Variants in ETFBKMT observed in about 807,000 individuals in gnomAD.
The protein encoded by ETFBKMT is electron transfer flavoprotein beta subunit lysine methyltransferase.
Under a neutral mutation model 18.3 loss-of-function variants are expected in ETFBKMT, and 13 were observed. That is an observed-to-expected ratio of 0.71 (90% CI 0.46 to 1.13). ETFBKMT has a LOEUF of 1.13. Ranked by LOEUF, ETFBKMT falls within the 50% of genes most tolerant of loss-of-function variation. The pLI is 0.00. For synonymous variants in ETFBKMT, 84 were observed against 107.9 expected (o/e 0.78, Z 1.37); for missense variants, 293 against 306.2 (o/e 0.96, Z 0.32).
chr12:31,654,378 G>A (rs116907954), upstream of ETFBKMT, among the ~76,000 whole-genome samples: 24 of 152,308 alleles, frequency 1.6e-4, no homozygotes, highest in East Asian at 4.2e-3. Flanking sequence ...AAAGTTTGCA[G>A]TTAATCATAC....
upstream of ETFBKMT, among the ~76,000 whole-genome samples, chr12:31,656,392 G>A (rs1488104586): frequency 6.6e-6 from 1 of 152,138 alleles, no homozygotes; most frequent in Non-Finnish European, 1.5e-5. Context: ...GCAGAGAGGG[G>A]AGAAGAGGAG....
At position 31,667,957 on chromosome 12, in the gene ETFBKMT, G is replaced by C. The variant is rs759116519; in HGVS notation, c.756G>C (p.Leu252=). The C allele has an allele frequency of 1.2e-6, 2 of 1,614,050 alleles. No homozygotes were observed. The highest frequency in any genetic ancestry group is 4.5e-5 in the East Asian group (2 of 44,888). Residue 252 remains leucine, a synonymous_variant, in exon 4 of 4, where the codon CTG becomes CTC. Transcript: ENST00000357721. The stretch of plus-strand genomic sequence containing the variant: ...CTACTAGGCAGGAAAACAGTGGACT[G>C]ACAACAAGCACAGTGTGGGGTTTTC... ...LESTRQENSG[L]TTSTVWGFQP
At chr12:31,664,922 ATTTCT>A (rs1951174401) in intron 2 of ETFBKMT, among the ~76,000 whole-genome samples, 1 of 122,648 alleles carries the variant, frequency 8.2e-6, no homozygotes. Context: ...CCATTTATAC[ATTTCT>A]TTTCTTTCTT....
Position 31,672,583 on chromosome 12 carries a change from G to T in ETFBKMT, c.*4593G>T, listed in dbSNP as rs780187697. ...TATTAGGTGTAGTGCACCTATCATG[G>T]TATTACTTGTTTAAAAAAAAAAAAC... On this transcript the variant is annotated 3_prime_UTR_variant, in exon 4 of 4. Coordinates refer to ENST00000357721, the MANE Select transcript of ETFBKMT (RefSeq NM_001135863.2). The T allele has an allele frequency of 4.8e-6, 2 of 412,510 alleles. No individual in the cohort carries two copies. The highest frequency in any genetic ancestry group is 4.4e-5 in the South Asian group (1 of 22,920). 25.6% of individuals were successfully genotyped at this position (412,510 alleles called of 1,614,324 possible). A position where few individuals can be genotyped will look rare whatever the true frequency, so the allele number is the denominator to read the frequency against.
intron 1 of ETFBKMT, among the ~76,000 whole-genome samples, chr12:31,651,192 A>T (rs913771569): frequency 2.0e-5 from 3 of 152,182 alleles, no homozygotes; most frequent in African/African-American, 7.2e-5. Context: ...AACTGGCGTT[A>T]ATCAGAAACC....
At chr12:31,663,569 T>C (rs1446199915) in intron 2 of ETFBKMT, among the ~76,000 whole-genome samples, 3 of 152,204 alleles carry the variant, frequency 2.0e-5, no homozygotes, top group South Asian at 2.1e-4. Context: ...TACTTTGCCA[T>C]AGTGTTAACT....
chr12:31,672,493 G>T lies in ETFBKMT; in HGVS notation c.*4503G>T. 1.3e-6 allele frequency: 1 copy of T among 753,198 alleles called. No homozygotes were observed. 46.7% of individuals were successfully genotyped at this position (753,198 alleles called of 1,614,324 possible). ...TACAGTTATTTAAAGGATTAAAGGAGGTGATCTATAAAGCACAATATACAA... is the reference window on the plus strand; with the variant it reads ...TACAGTTATTTAAAGGATTAAAGGATGTGATCTATAAAGCACAATATACAA... On this transcript the variant is annotated 3_prime_UTR_variant, in exon 4 of 4. Coordinates refer to ENST00000357721, the MANE Select transcript of ETFBKMT (RefSeq NM_001135863.2).
rs544618868 is a variant in ETFBKMT, at chr12:31,672,595, T to TAA, written c.*4616_*4617dup. 1.2e-3 allele frequency: 362 copies of TAA among 311,366 alleles called. No homozygotes were observed. Among genetic ancestry groups the TAA allele is most frequent in the South Asian group, 2.2e-3 (35 of 15,694 alleles). 19.3% of individuals were successfully genotyped at this position (311,366 alleles called of 1,614,324 possible). On this transcript the variant is annotated 3_prime_UTR_variant, in exon 4 of 4. Coordinates refer to ENST00000357721, the MANE Select transcript of ETFBKMT (RefSeq NM_001135863.2). ...TGCACCTATCATGGTATTACTTGTT[T>TAA]AAAAAAAAAAAACAGGCATTTGTTG...
At chr12:31,659,986 TAAAA>T (rs10567575) in intron 1 of ETFBKMT, 197 bp downstream of exon 1, 5,741 of 101,380 alleles carry the variant, frequency 0.057, 329 homozygotes, top group East Asian at 0.28. Flanking sequence ...TCGTCTCTAC[TAAAA>T]AAAAAAAAAA....
chr12:31,658,091 C>T (rs1316705325), upstream of ETFBKMT, among the ~76,000 whole-genome samples: 1 of 152,160 alleles, frequency 6.6e-6, no homozygotes, highest in Non-Finnish European at 1.5e-5. Context: ...TTAGCCTGTT[C>T]GTTCTGGTTT....
intron 1 of ETFBKMT, among the ~76,000 whole-genome samples, chr12:31,651,406 T>A (rs1592131368): frequency 6.8e-6 from 1 of 147,478 alleles, no homozygotes; most frequent in Non-Finnish European, 1.5e-5. Context: ...ACCTCCCGGG[T>A]TGCAGTGAGG....
At chr12:31,658,775 A>T (rs1298584767), upstream of ETFBKMT, among the ~76,000 whole-genome samples, 1 of 152,234 alleles carries the variant, frequency 6.6e-6, no homozygotes, top group African/African-American at 2.4e-5. Flanking sequence ...ATGTGGGTCC[A>T]GTTGAAAGGT....
upstream of ETFBKMT, among the ~76,000 whole-genome samples, chr12:31,658,094 T>C (rs1426506554): frequency 6.6e-6 from 1 of 152,204 alleles, no homozygotes; most frequent in African/African-American, 2.4e-5. Flanking sequence ...GCCTGTTCGT[T>C]CTGGTTTCTT....
At chr12:31,651,086 A>G (rs954064809) in intron 1 of ETFBKMT, among the ~76,000 whole-genome samples, 11 of 152,076 alleles carry the variant, frequency 7.2e-5, no homozygotes, top group Non-Finnish European at 8.8e-5. Context: ...GTATGATAAC[A>G]TCAAGGCCAC....
At chr12:31,648,370 T>A (rs1388886222) in intron 1 of ETFBKMT, among the ~76,000 whole-genome samples, 3 of 150,272 alleles carry the variant, frequency 2.0e-5, no homozygotes, top group Non-Finnish European at 3.0e-5. Context: ...GTTTTTTTTT[T>A]TTTTTTTTTG....
chr12:31,651,038 A>G (rs753926095), intron 1 of ETFBKMT, among the ~76,000 whole-genome samples: 5 of 152,120 alleles, frequency 3.3e-5, no homozygotes, highest in African/African-American at 4.8e-5. Context: ...ATACCCCAGG[A>G]GAGGAGTGAT....
In ETFBKMT at chr12:31,672,257, A is replaced by G. The variant is rs1951288489; in HGVS notation, c.*4267A>G. 1 of 1,293,364 alleles carries G rather than the reference A, an allele frequency of 7.7e-7. No homozygotes were observed. Among genetic ancestry groups the G allele is most frequent in the African/African-American group, 1.5e-5 (1 of 67,856 alleles). The allele number at this position is 1,293,364 out of a possible 1,614,324, so 80.1% of individuals were successfully genotyped here. On this transcript the variant is annotated 3_prime_UTR_variant, in exon 4 of 4. Transcript: ENST00000357721. ...ATCTCTATAGATGGTTTCCTGGGAA[A>G]GTAGTTTTGATAAGCTTTCCTAGCA...
At chr12:31,650,690 G>A (rs555048975) in intron 1 of ETFBKMT, among the ~76,000 whole-genome samples, 1 of 149,144 alleles carries the variant, frequency 6.7e-6, no homozygotes, top group African/African-American at 2.5e-5. Flanking sequence ...AAGGAAGCAA[G>A]GAGGGATAAG....
intron 1 of ETFBKMT, chr12:31,660,660 CT>C (rs2139619014): frequency 6.6e-6 from 1 of 152,172 alleles, no homozygotes; most frequent in South Asian, 2.1e-4. Flanking sequence ...AGTTGATGTT[CT>C]TTTATTACAA....
Sources: gnomAD v4.1 joint callset for allele counts (sites outside exome capture counted in the v4.1 genomes callset) on GRCh38, gnomAD v4.1.1 for gene constraint, MANE v1.5 for transcripts, NCBI Gene and HGNC (gene_info 2026-07-23, HGNC 2026-07-21) for gene names.